CLYBL: variants seen among roughly 807,000 people sequenced by gnomAD.
CLYBL encodes citramalyl-CoA lyase, mitochondrial.
A neutral mutation model predicts 38.9 loss-of-function variants in CLYBL; 31 were observed. The ratio of observed to expected loss-of-function variants is 0.80; its 90% CI spans 0.60 to 1.08. The LOEUF (loss-of-function observed/expected upper bound fraction) is 1.08, where lower values mean the gene tolerates loss of function less well. CLYBL is among the 50% of genes least tolerant of loss of function. The probability of loss-of-function intolerance (pLI) is 0.00; values close to 1 mark genes in which losing one functional copy is unlikely to be tolerated. For missense variants in CLYBL, 434 were observed against 411.6 expected (o/e 1.05, Z -0.47); for synonymous variants, 171 against 158.6 (o/e 1.08, Z -0.59).
rs368975807 is a variant in CLYBL at position 99,793,033 on chromosome 13, A to AAAAC, written c.249+20024_249+20025insAACA. 5.3e-4 allele frequency among the ~76,000 whole-genome samples: 77 copies of AAAAC among 146,058 alleles called. No homozygotes were observed. The East Asian group carries it at 9.7e-3, about 18-fold the overall frequency. On this transcript the variant is annotated intron_variant, in intron 2 of 8. Coordinates refer to ENST00000339105, the MANE Select transcript of CLYBL (RefSeq NM_206808.5). ...TCTTCTTGTGCACATGTGCATACAT[A>AAAAC]ACACACACACACACACACACACACA...
chr13:99,810,227 A>G (rs561694712), intron 2 of CLYBL, among the ~76,000 whole-genome samples: 1 of 152,360 alleles, frequency 6.6e-6, no homozygotes, highest in East Asian at 1.9e-4. Flanking sequence ...GGTGAGACAG[A>G]CATACATCAT....
intron 1 of CLYBL, among the ~76,000 whole-genome samples, chr13:99,710,199 AC>A (rs200172268): frequency 0.015 from 2,352 of 152,192 alleles, 26 homozygotes; most frequent in Non-Finnish European, 0.026. Context: ...AGCGTGAGCC[AC>A]CGTGCCCGGC....
chr13:99,658,906 C>T (rs1031505112), intron 1 of CLYBL, among the ~76,000 whole-genome samples: 39 of 152,100 alleles, frequency 2.6e-4, no homozygotes, highest in African/African-American at 8.7e-4. Flanking sequence ...ACAGATCAAG[C>T]CTGCCTTTGA....
intron 1 of CLYBL, among the ~76,000 whole-genome samples, chr13:99,642,258 C>G (rs2047106950): frequency 6.6e-6 from 1 of 152,176 alleles, no homozygotes; most frequent in African/African-American, 2.4e-5. Context: ...TGAGGCGTGC[C>G]TCTAGTGAGG....
chr13:99,817,803 GACCAGTCTCAGCAACATGGTGAA>G (rs1299546671), intron 2 of CLYBL, among the ~76,000 whole-genome samples: 8 of 151,846 alleles, frequency 5.3e-5, no homozygotes, highest in African/African-American at 1.9e-4. Flanking sequence ...AGGAGTTTAA[GACCAGTCTCAGCAACATGGTGAA>G]ACCCCATATC....
At chr13:99,805,548 G>A (rs562078994) in intron 2 of CLYBL, among the ~76,000 whole-genome samples, 18 of 151,870 alleles carry the variant, frequency 1.2e-4, no homozygotes, top group East Asian at 5.8e-4. Flanking sequence ...TTGCTCCCAC[G>A]CCCTCAGGAT....
intron 2 of CLYBL, among the ~76,000 whole-genome samples, chr13:99,834,996 C>T (rs2050902094): frequency 6.6e-6 from 1 of 152,176 alleles, no homozygotes; most frequent in African/African-American, 2.4e-5. Context: ...TGGAACACAC[C>T]TCCCTCTTCC....
chr13:99,751,297 T>C (rs747235493), intron 1 of CLYBL, among the ~76,000 whole-genome samples: 1 of 152,014 alleles, frequency 6.6e-6, no homozygotes, highest in Non-Finnish European at 1.5e-5. Context: ...CCCGGCGCAC[T>C]GCAATCTCTG....
intron 1 of CLYBL, among the ~76,000 whole-genome samples, chr13:99,736,721 A>G (rs1229689539): frequency 6.6e-6 from 1 of 152,080 alleles, no homozygotes; most frequent in African/African-American, 2.4e-5. Context: ...GCCAGATTTC[A>G]CTGTCACTCC....
At chr13:99,682,637 A>G (rs1449162557) in intron 1 of CLYBL, among the ~76,000 whole-genome samples, 1 of 152,214 alleles carries the variant, frequency 6.6e-6, no homozygotes, top group African/African-American at 2.4e-5. Context: ...TACTGTCACT[A>G]CTGTAGACTT....
chr13:99,908,866 A>G (rs1391897852), exon 10 of CLYBL, among the ~76,000 whole-genome samples: 1 of 152,212 alleles, frequency 6.6e-6, no homozygotes, highest in Non-Finnish European at 1.5e-5. Context: ...GAGTTAATGA[A>G]TAAATAAACA....
rs961717986 is a variant in CLYBL at position 99,866,242 on chromosome 13, G to T, written c.637G>T (p.Ala213Ser). The T allele has an allele frequency of 1.9e-6, 3 of 1,613,106 alleles. No individual in the cohort carries two copies. Among genetic ancestry groups the T allele is most frequent in the Admixed American group, 1.7e-5 (1 of 59,826 alleles). Reference sequence around the variant, plus strand: ...TTCTGTTAACATCCCATTTTCAGGTGCAACAAGTAGTAAAGAAACCCTGGA... The same window carrying T: ...TTCTGTTAACATCCCATTTTCAGGTTCAACAAGTAGTAAAGAAACCCTGGA... ...GGEDFRASIG[A>S]TSSKETLDIL... Residue 213 changes from alanine (A) to serine (S), a missense_variant and splice_region_variant, in exon 6 of 9, where the codon GCA becomes TCA. Transcript: ENST00000339105.
chr13:99,837,483 A>G (rs958856121), intron 2 of CLYBL, among the ~76,000 whole-genome samples: 7 of 152,244 alleles, frequency 4.6e-5, no homozygotes, highest in Non-Finnish European at 8.8e-5. Flanking sequence ...AAAAACAGTC[A>G]TGATATAGGT....
chr13:99,853,836 C>T (rs372424447), intron 2 of CLYBL, among the ~76,000 whole-genome samples: 18 of 152,068 alleles, frequency 1.2e-4, no homozygotes, highest in East Asian at 1.2e-3. Context: ...AAATTCGTTC[C>T]GTTTTTTATT....
intron 1 of CLYBL, among the ~76,000 whole-genome samples, chr13:99,723,885 A>G (rs1288717189): frequency 1.3e-5 from 2 of 152,312 alleles, no homozygotes; most frequent in East Asian, 1.9e-4. Flanking sequence ...AGATGTACCA[A>G]CATTTAATTG....
intron 6 of CLYBL, among the ~76,000 whole-genome samples, chr13:99,867,680 C>T (rs961659476): frequency 6.6e-6 from 1 of 151,890 alleles, no homozygotes; most frequent in Non-Finnish European, 1.5e-5. Context: ...TAGGATGTGA[C>T]CCAAATGGAA....
intron 4 of CLYBL, among the ~76,000 whole-genome samples, chr13:99,864,467 T>A (rs1280932991): frequency 6.6e-6 from 1 of 152,198 alleles, no homozygotes; most frequent in Non-Finnish European, 1.5e-5. Flanking sequence ...TTCTCCCCTG[T>A]GGTTTTACGA....
chr13:99,833,902 G>T (rs7338007), intron 2 of CLYBL, among the ~76,000 whole-genome samples: 1 of 151,426 alleles, frequency 6.6e-6, no homozygotes, highest in Non-Finnish European at 1.5e-5. Flanking sequence ...GGGTTTCACT[G>T]TGTTGGCCAG....
chr13:99,859,254 C>A (rs1263916757), intron 3 of CLYBL, among the ~76,000 whole-genome samples: 2 of 152,240 alleles, frequency 1.3e-5, no homozygotes, highest in Admixed American at 1.3e-4. Context: ...AACAACTGCA[C>A]TTTTGAAATG....
Sources: allele counts gnomAD v4.1 joint callset (sites outside exome capture counted in the v4.1 genomes callset), GRCh38; gene constraint gnomAD v4.1.1; transcripts MANE v1.5; gene names NCBI Gene and HGNC (gene_info 2026-07-23, HGNC 2026-07-21).